Variants in ARL5A observed in about 807,000 individuals in gnomAD.
ARL5A encodes the protein ADP-ribosylation factor-like protein 5A.
ARL5A carries 18 observed loss-of-function variants against 25.9 expected under a neutral mutation model. The ratio of observed to expected loss-of-function variants is 0.69; its 90% confidence interval spans 0.48 to 1.03. The LOEUF is 1.03. Ranked by LOEUF, ARL5A falls within the 50% of genes least tolerant of loss-of-function variation. ARL5A has a pLI of 0.00. For missense variants in ARL5A, 170 were observed against 211.9 expected (o/e 0.80, Z 1.23); for synonymous variants, 61 against 67.5 (o/e 0.90, Z 0.47).
At chr2:151,827,342 T>TA (rs1332442848) in intron 1 of ARL5A, 1 of 152,250 alleles carries the variant, frequency 6.6e-6, no homozygotes, top group African/African-American at 2.4e-5. Context: ...AGCATCCCTA[T>TA]ATAACACACT....
intron 5 of ARL5A, among the ~76,000 whole-genome samples, chr2:151,804,135 TGTA>T (rs2099829784): frequency 6.6e-6 from 1 of 152,128 alleles, no homozygotes; most frequent in African/African-American, 2.4e-5. Context: ...AAATATATAT[TGTA>T]GTTATTAAAA....
chr2:151,800,875 C>T lies in ARL5A; in HGVS notation c.*2401G>A, dbSNP rs979233729. ...AATCTTTGTTCTTCTCAGAGCTGAA[C>T]ACAATGACTCCACGAGATGTTTTCA... On this transcript the variant is annotated 3_prime_UTR_variant, in exon 6 of 6. Coordinates refer to ENST00000295087, the MANE Select transcript of ARL5A (RefSeq NM_012097.4). 2 of 152,564 alleles carry T rather than the reference C, an allele frequency of 1.3e-5. No individual in the cohort carries two copies. Among genetic ancestry groups the T allele is most frequent in the African/African-American group, 4.8e-5 (2 of 41,414 alleles). 9.5% of individuals were successfully genotyped at this position (152,564 alleles called of 1,614,324 possible).
At chr2:151,813,121 C>T (rs1427589551) in intron 3 of ARL5A, among the ~76,000 whole-genome samples, 1 of 152,182 alleles carries the variant, frequency 6.6e-6, no homozygotes, top group Non-Finnish European at 1.5e-5. Flanking sequence ...GGAGATTTAA[C>T]TTACTTACTT....
intron 1 of ARL5A, among the ~76,000 whole-genome samples, chr2:151,827,032 G>A (rs2099833151): frequency 1.3e-5 from 2 of 152,144 alleles, no homozygotes; most frequent in Non-Finnish European, 2.9e-5. Flanking sequence ...CATGAAGGAG[G>A]AGGTGGTAGT....
At chr2:151,819,325 T>A (rs569284305) in intron 1 of ARL5A, among the ~76,000 whole-genome samples, 7 of 152,234 alleles carry the variant, frequency 4.6e-5, no homozygotes, top group Non-Finnish European at 8.8e-5. Flanking sequence ...GAGCCTGAGG[T>A]ACACCATTTT....
chr2:151,818,555 G>A (rs2099831836), intron 1 of ARL5A, among the ~76,000 whole-genome samples: 1 of 152,204 alleles, frequency 6.6e-6, no homozygotes, highest in Non-Finnish European at 1.5e-5. Context: ...AGGATTACAG[G>A]TGCAAGCCAC....
intron 1 of ARL5A, among the ~76,000 whole-genome samples, chr2:151,822,462 T>C (rs544639987): frequency 6.6e-6 from 1 of 152,346 alleles, no homozygotes; most frequent in African/African-American, 2.4e-5. Flanking sequence ...AAGTTTTTAA[T>C]AGTAGATCAA....
In ARL5A at chr2:151,815,217, C is replaced by A; in HGVS notation, c.47-18G>T. 1 of 1,572,982 alleles carries A rather than the reference C, an allele frequency of 6.4e-7. No homozygotes were observed. Among genetic ancestry groups the A allele is most frequent in the South Asian group, 1.2e-5 (1 of 83,406 alleles). On this transcript the variant is annotated intron_variant, in intron 1 of 5. Transcript: ENST00000295087. ...TTTGTGCTCTGAAATAGAGAAAACA[C>A]CAGTGATTTTTTTTCAAAAAAGGAA...
intron 4 of ARL5A, among the ~76,000 whole-genome samples, chr2:151,807,361 C>A (rs1298040896): frequency 6.6e-6 from 1 of 152,162 alleles, no homozygotes; most frequent in Non-Finnish European, 1.5e-5. Context: ...AAGTACTCTG[C>A]TGTAATTAGC....
chr2:151,824,279 G>A (rs1303276509), intron 1 of ARL5A, among the ~76,000 whole-genome samples: 1 of 152,168 alleles, frequency 6.6e-6, no homozygotes, highest in African/African-American at 2.4e-5. Flanking sequence ...CACGTATAAA[G>A]CAAGCTAGGC....
intron 4 of ARL5A, among the ~76,000 whole-genome samples, chr2:151,807,305 T>G (rs916849923): frequency 3.9e-5 from 6 of 152,148 alleles, no homozygotes; most frequent in African/African-American, 1.4e-4. Context: ...CTCCAAAATT[T>G]TATCTTGCCT....
intron 5 of ARL5A, 64 bp from the exon 6 acceptor site, chr2:151,803,388 GA>G (rs2099829673): frequency 5.1e-6 from 6 of 1,175,766 alleles, no homozygotes; most frequent in African/African-American, 1.5e-5. Flanking sequence ...AGCAAACTAT[GA>G]ACAGCAAACT....
intron 1 of ARL5A, among the ~76,000 whole-genome samples, chr2:151,817,147 C>G (rs1366858212): frequency 3.9e-5 from 6 of 152,222 alleles, no homozygotes; most frequent in Admixed American, 3.3e-4. Flanking sequence ...CTCATGGTAT[C>G]ACTAAATGTC....
Position 151,828,280 on chromosome 2 carries a change from TGCTGCTCCCGC to T in ARL5A, c.-115_-105del. 1 of 1,033,462 alleles carries T rather than the reference TGCTGCTCCCGC, an allele frequency of 9.7e-7. No individual in the cohort carries two copies. Among genetic ancestry groups the T allele is most frequent in the Non-Finnish European group, 1.4e-6 (1 of 703,870 alleles). The allele number at this position is 1,033,462 out of a possible 1,614,324, so 64.0% of individuals were successfully genotyped here. ...GACGCGCTGGAGCCTCCGCCTCTGC[TGCTGCTCCCGC>T]GCTGGTCGCGGGCCCGCTTCCAGGG... On this transcript the variant is annotated 5_prime_UTR_variant, in exon 1 of 6. An upstream open reading frame in the 5' UTR loses its in-frame stop. Coordinates refer to ENST00000295087, the MANE Select transcript of ARL5A (RefSeq NM_012097.4).
intron 4 of ARL5A, among the ~76,000 whole-genome samples, chr2:151,808,584 C>T (rs2099830411): frequency 6.6e-6 from 1 of 152,150 alleles, no homozygotes; most frequent in African/African-American, 2.4e-5. Flanking sequence ...AATACTGCTA[C>T]AATGTTTGCA....
intron 1 of ARL5A, among the ~76,000 whole-genome samples, chr2:151,819,751 T>TG (rs2099832009): frequency 6.9e-6 from 1 of 144,524 alleles, no homozygotes; most frequent in Non-Finnish European, 1.5e-5. Flanking sequence ...CAAAAACTAC[T>TG]GAAAAAAAAA....
At chr2:151,812,505 GTTTA>G in intron 3 of ARL5A, 65 bp from the exon 4 acceptor site, 3 of 1,085,718 alleles carry the variant, frequency 2.8e-6, no homozygotes, top group South Asian at 1.7e-5. Flanking sequence ...TTTATAATGT[GTTTA>G]TTTGACATAC....
rs1321979287 is a variant in ARL5A at position 151,799,394 on chromosome 2, C to T, written c.*3882G>A. 6.6e-6 allele frequency: 1 copy of T among 151,990 alleles called. No homozygotes were observed. The highest frequency in any genetic ancestry group is 2.4e-5 in the African/African-American group (1 of 41,362). 9.4% of individuals were successfully genotyped at this position (151,990 alleles called of 1,614,324 possible). ...GATGTGGGCAATAGTTTCAAGAATG[C>T]CCTTAGATTATAGACTACATATAAA... On this transcript the variant is annotated 3_prime_UTR_variant, in exon 6 of 6. Transcript: ENST00000295087.
At chr2:151,827,641 A>T (rs987383341) in intron 1 of ARL5A, 6 of 156,436 alleles carry the variant, frequency 3.8e-5, no homozygotes, top group African/African-American at 1.4e-4. Context: ...CATAAACCAG[A>T]GGTGTAATGG....
Sources: allele counts gnomAD v4.1 joint callset (sites outside exome capture counted in the v4.1 genomes callset), GRCh38; gene constraint gnomAD v4.1.1; transcripts MANE v1.5; gene names NCBI Gene and HGNC (gene_info 2026-07-23, HGNC 2026-07-21).